SEC14L1: variants seen among roughly 807,000 people sequenced by gnomAD.
SEC14L1 encodes the protein SEC14 like lipid binding 1, also known as SEC14-like protein 1.
A neutral mutation model predicts 85.3 loss-of-function variants in SEC14L1; 48 were observed. The ratio of observed to expected loss-of-function variants is 0.56; its 90% CI spans 0.45 to 0.72. SEC14L1 has a LOEUF of 0.72. Among genes scored for constraint, SEC14L1 ranks in the 30% least tolerant of loss-of-function variants. The pLI is 0.00. For synonymous variants in SEC14L1, 391 were observed against 355.5 expected (o/e 1.10, Z -1.12); for missense variants, 682 against 921.4 (o/e 0.74, Z 3.36).
chr17:77,107,427 A>AC (rs1372618326), intron 3 of SEC14L1, among the ~76,000 whole-genome samples: 1 of 152,228 alleles, frequency 6.6e-6, no homozygotes, highest in East Asian at 1.9e-4. Context: ...GTTTCAAACT[A>AC]ATGAAAAATG....
chr17:77,202,543 T>TGGGAGGCGGAGGTTGCA (rs1342480749), intron 9 of SEC14L1, among the ~76,000 whole-genome samples: 1 of 151,972 alleles, frequency 6.6e-6, no homozygotes, highest in Non-Finnish European at 1.5e-5. Context: ...CGCTTGAACC[T>TGGGAGGCGGAGGTTGCA]GGGAGGCGGA....
chr17:77,197,866 A>G (rs1306490461), intron 8 of SEC14L1, among the ~76,000 whole-genome samples: 8 of 152,204 alleles, frequency 5.3e-5, no homozygotes, highest in Non-Finnish European at 1.0e-4. Flanking sequence ...TTAGCCTCCC[A>G]AAGGGCTGGG....
At chr17:77,195,312 TTTTG>T (rs910098819) in intron 7 of SEC14L1, among the ~76,000 whole-genome samples, 1 of 151,112 alleles carries the variant, frequency 6.6e-6, no homozygotes, top group African/African-American at 2.4e-5. Context: ...AGGTGTTTTT[TTTTG>T]TTTGTTTGTT....
At position 77,176,243 on chromosome 17, in the gene SEC14L1, T is replaced by G. The variant is rs542042715; in HGVS notation, c.64-14560T>G. Among the ~76,000 whole-genome samples, 98 of 151,750 alleles carry G rather than the reference T, an allele frequency of 6.5e-4. 2 individuals are homozygous for G. The highest frequency in any genetic ancestry group is 2.1e-3 in the African/African-American group (86 of 41,354). ...AGGCAGAGGTTGCAGCGAGCCGAGA[T>G]CATGCTATTACACTCCAGCTTGGGC... On this transcript the variant is annotated intron_variant, in intron 3 of 16. Transcript: ENST00000436233.
intron 3 of SEC14L1, among the ~76,000 whole-genome samples, chr17:77,149,400 G>A (rs929354656): frequency 6.6e-6 from 1 of 152,154 alleles, no homozygotes; most frequent in African/African-American, 2.4e-5. Flanking sequence ...GATCCAAACT[G>A]TATCTCCAGG....
intron 9 of SEC14L1, among the ~76,000 whole-genome samples, chr17:77,202,685 G>A (rs1231068251): frequency 6.6e-6 from 1 of 151,960 alleles, no homozygotes; most frequent in East Asian, 1.9e-4. Flanking sequence ...TTTGGGAGGC[G>A]GAGGCAGGCG....
In SEC14L1 at chr17:77,170,309, T is replaced by C. The variant is rs1974469975; in HGVS notation, c.64-20494T>C. On this transcript the variant is annotated intron_variant, in intron 3 of 16. Coordinates refer to ENST00000436233, the MANE Select transcript of SEC14L1 (RefSeq NM_001143998.2). ...TGGAGAGGATGGTGCTCTTTTGACT[T>C]GGGTGTGATGAGTGCAACCGTTTTT... 2.0e-5 allele frequency among the ~76,000 whole-genome samples: 3 copies of C among 152,174 alleles called. No individual in the cohort carries two copies. The South Asian group carries it at 6.2e-4, about 31-fold the overall frequency.
In SEC14L1 at chr17:77,216,822, C is replaced by A; in HGVS notation, c.*2799C>A. The A allele has an allele frequency of 3.6e-6, 2 of 563,038 alleles. No homozygotes were observed. The highest frequency in any genetic ancestry group is 6.0e-6 in the Non-Finnish European group (2 of 331,482). The allele number at this position is 563,038 out of a possible 1,614,324, so 34.9% of individuals were successfully genotyped here. A position where few individuals can be genotyped will look rare whatever the true frequency, so the allele number is the denominator to read the frequency against. The stretch of plus-strand genomic sequence containing the variant: ...CTCCCCTTGTAAGGGAATTCTGGGG[C>A]AGCTATGGTTTGAGTATGCAGTTTG... On this transcript the variant is annotated 3_prime_UTR_variant, in exon 17 of 17. Coordinates refer to ENST00000436233, the MANE Select transcript of SEC14L1 (RefSeq NM_001143998.2).
At position 77,200,576 on chromosome 17, in the gene SEC14L1, G is replaced by A; in HGVS notation, c.912G>A (p.Trp304Ter). 6.2e-7 allele frequency: 1 copy of A among 1,614,082 alleles called. No individual in the cohort carries two copies. The highest frequency in any genetic ancestry group is 8.5e-7 in the Non-Finnish European group (1 of 1,179,954). ...AGATCATGTGTCAGTCTTTGACGTGGAGAAAGCAGCATCAGGTAGACTACA... is the reference window on the plus strand; with the variant it reads ...AGATCATGTGTCAGTCTTTGACGTGAAGAAAGCAGCATCAGGTAGACTACA... The part of the protein sequence containing the change: ...AREIMCQSLT[W>*]RKQHQVDYIL... The change falls in exon 9 of 17, where the codon TGG (tryptophan) becomes TGA (stop). Residue 304 changes from tryptophan (W) to a stop codon, truncating the protein, a stop_gained. Transcript: ENST00000436233. LOFTEE classifies it high-confidence loss of function.
chr17:77,088,988 C>T (rs544150398), intron 1 of SEC14L1: 50 of 159,344 alleles, frequency 3.1e-4, no homozygotes, highest in South Asian at 1.3e-3. Flanking sequence ...AGAACTTGGT[C>T]CGCACACAGC....
At chr17:77,122,183 C>T (rs972867361) in intron 3 of SEC14L1, among the ~76,000 whole-genome samples, 2 of 152,160 alleles carry the variant, frequency 1.3e-5, no homozygotes, top group African/African-American at 4.8e-5. Context: ...GTTATCACAT[C>T]ATATATTGCA....
chr17:77,165,868 A>G (rs1388811947), intron 3 of SEC14L1, among the ~76,000 whole-genome samples: 1 of 152,156 alleles, frequency 6.6e-6, no homozygotes, highest in Non-Finnish European at 1.5e-5. Flanking sequence ...TAGTTTGGTG[A>G]ACACATGGAT....
chr17:77,209,335 C>T lies in SEC14L1; in HGVS notation c.1477-7C>T. 1 of 1,614,002 alleles carries T rather than the reference C, an allele frequency of 6.2e-7. No homozygotes were observed. Among genetic ancestry groups the T allele is most frequent in the Non-Finnish European group, 8.5e-7 (1 of 1,179,950 alleles). ...CACAGGTTTCACTGCTGTGTTTCTTCTTCCAGTGCGAAGTGCCAGAGGGTG... is the reference window on the plus strand; with the variant it reads ...CACAGGTTTCACTGCTGTGTTTCTTTTTCCAGTGCGAAGTGCCAGAGGGTG... On this transcript the variant is annotated splice_region_variant and splice_polypyrimidine_tract_variant and intron_variant, in intron 13 of 16. Transcript: ENST00000436233.
In SEC14L1 at chr17:77,180,596, G is replaced by A. The variant is rs572307886; in HGVS notation, c.64-10207G>A. The stretch of plus-strand genomic sequence containing the variant: ...CCAGTCTGCTGTTGTGACTTGATGC[G>A]TTTATCTCACTGAAGACTGGTACCC... On this transcript the variant is annotated intron_variant, in intron 3 of 16. Coordinates refer to ENST00000436233, the MANE Select transcript of SEC14L1 (RefSeq NM_001143998.2). Among the ~76,000 whole-genome samples, 3 of 152,234 alleles carry A rather than the reference G, an allele frequency of 2.0e-5. No individual in the cohort carries two copies. In the East Asian group the frequency reaches 5.8e-4, roughly 29 times the overall value.
At position 77,214,272 on chromosome 17, in the gene SEC14L1, A is replaced by G. The variant is rs1976927163; in HGVS notation, c.*249A>G. ...TGTGCACAAAATCCAACCAGAGCGC[A>G]AGGGCTCTCTTGAAAGAAAAGTAGT... On this transcript the variant is annotated 3_prime_UTR_variant, in exon 17 of 17. Coordinates refer to ENST00000436233, the MANE Select transcript of SEC14L1 (RefSeq NM_001143998.2). 2.3e-6 allele frequency: 3 copies of G among 1,298,220 alleles called. No homozygotes were observed. The highest frequency in any genetic ancestry group is 4.3e-5 in the South Asian group (2 of 46,576). 80.4% of individuals were successfully genotyped at this position (1,298,220 alleles called of 1,614,324 possible).
intron 3 of SEC14L1, among the ~76,000 whole-genome samples, chr17:77,103,090 G>A (rs1971816247): frequency 6.6e-6 from 1 of 151,916 alleles, no homozygotes. Context: ...ACAGGCATGA[G>A]CACTGCTTGG....
At position 77,205,306 on chromosome 17, in the gene SEC14L1, C is replaced by T. The variant is rs1385481222; in HGVS notation, c.1129C>T (p.Arg377Ter). 6.2e-7 allele frequency: 1 copy of T among 1,614,064 alleles called. No individual in the cohort carries two copies. ...CTCCATAAATGAAGAAGGGCTAAGG[C>T]GATGCGAAGAGAATACAAAAGTCTT... ...VLSINEEGLR[R>*]CEENTKVFGR... Residue 377 changes from arginine to a stop codon, truncating the protein, a stop_gained, in exon 11 of 17, where the codon CGA becomes TGA. Coordinates refer to ENST00000436233, the MANE Select transcript of SEC14L1 (RefSeq NM_001143998.2). LOFTEE classifies it high-confidence loss of function.
chr17:77,089,412 T>G (rs752962099), intron 2 of SEC14L1: 2 of 518,984 alleles, frequency 3.9e-6, no homozygotes, highest in East Asian at 1.1e-4. Flanking sequence ...GGAAGAAGTC[T>G]TTCCTGGGTT....
At chr17:77,191,043 ATCCTGGAGGGAGAGGGCG>A (rs1177634266) in intron 4 of SEC14L1, 91 bp downstream of exon 4, 92 of 1,485,762 alleles carry the variant, frequency 6.2e-5, no homozygotes, top group East Asian at 2.7e-4. Flanking sequence ...GGGAGAGGGC[ATCCTGGAGGGAGAGGGCG>A]TCCTGGAGGG....
Sources: gnomAD v4.1 joint callset for allele counts (sites outside exome capture counted in the v4.1 genomes callset) on GRCh38, gnomAD v4.1.1 for gene constraint, MANE v1.5 for transcripts, NCBI Gene and HGNC (gene_info 2026-07-23, HGNC 2026-07-21) for gene names.